NEK10: variants seen among roughly 807,000 people sequenced by gnomAD.
The protein encoded by NEK10 is serine/threonine-protein kinase Nek10.
A neutral mutation model predicts 159.8 loss-of-function variants in NEK10; 122 were observed. The ratio of observed to expected loss-of-function variants is 0.76; its 90% CI spans 0.66 to 0.89. The LOEUF (loss-of-function observed/expected upper bound fraction) is 0.89. Ranked by LOEUF, NEK10 falls within the 40% of genes least tolerant of loss-of-function variation. NEK10 has a pLI of 0.00. For synonymous variants in NEK10, 466 were observed against 457.1 expected, an observed-to-expected ratio of 1.02 and a Z score of -0.25; for missense variants, 1,342 against 1,323.1, an observed-to-expected ratio of 1.01 and a Z score of -0.22.
At chr3:27,180,266 G>A (rs757965792) in intron 26 of NEK10, among the ~76,000 whole-genome samples, 10 of 151,906 alleles carry the variant, frequency 6.6e-5, no homozygotes, top group East Asian at 1.9e-4. Context: ...ATGGTGGTGC[G>A]TGCCTATAAT....
At chr3:27,235,307 C>T (rs1464112222) in intron 23 of NEK10, among the ~76,000 whole-genome samples, 1 of 152,088 alleles carries the variant, frequency 6.6e-6, no homozygotes, top group Non-Finnish European at 1.5e-5. Flanking sequence ...GCAAAAGAAA[C>T]TATCAACACA....
At chr3:27,150,056 C>G (rs1207550160) in intron 30 of NEK10, among the ~76,000 whole-genome samples, 1 of 152,184 alleles carries the variant, frequency 6.6e-6, no homozygotes, top group Non-Finnish European at 1.5e-5. Context: ...AGGAAGGCCC[C>G]AACCCTCTTC....
intron 5 of NEK10, among the ~76,000 whole-genome samples, chr3:27,340,747 T>G (rs2047146683): frequency 6.6e-6 from 1 of 152,172 alleles, no homozygotes; most frequent in Admixed American, 6.5e-5. Context: ...ATACACTGTT[T>G]GTGGGAATGC....
intron 5 of NEK10, among the ~76,000 whole-genome samples, chr3:27,326,889 G>A (rs1054383592): frequency 2.0e-5 from 3 of 152,202 alleles, no homozygotes; most frequent in Admixed American, 2.0e-4. Flanking sequence ...CACATGGGAT[G>A]AAGTGCTGGT....
chr3:27,137,405 A>G (rs1282517586), intron 31 of NEK10, among the ~76,000 whole-genome samples: 1 of 152,210 alleles, frequency 6.6e-6, no homozygotes, highest in Non-Finnish European at 1.5e-5. Context: ...GGCATATGAA[A>G]ACTATATTTA....
intron 15 of NEK10, among the ~76,000 whole-genome samples, chr3:27,295,206 C>A (rs376615785): frequency 2.9e-4 from 44 of 152,306 alleles, no homozygotes; most frequent in African/African-American, 1.0e-3. Flanking sequence ...AATGCCCTTC[C>A]ACCCTGCAGC....
chr3:27,311,885 A>G (rs1013377339), intron 8 of NEK10: 3 of 493,298 alleles, frequency 6.1e-6, no homozygotes, highest in African/African-American at 4.0e-5. Flanking sequence ...CATTAAATAA[A>G]TTGTGCTTTT....
intron 13 of NEK10, among the ~76,000 whole-genome samples, chr3:27,298,632 C>T (rs4634071): frequency 6.6e-6 from 1 of 152,016 alleles, no homozygotes; most frequent in African/African-American, 2.4e-5. Flanking sequence ...CACAAGAAGA[C>T]AGGAAAATGT....
intron 5 of NEK10, among the ~76,000 whole-genome samples, chr3:27,343,939 C>G (rs546322269): frequency 1.3e-3 from 194 of 152,308 alleles, no homozygotes; most frequent in Non-Finnish European, 2.4e-3. Context: ...TGCAAAAGTG[C>G]AGCATAAGAA....
At chr3:27,149,370 A>T (rs1011634537) in intron 30 of NEK10, among the ~76,000 whole-genome samples, 3 of 151,992 alleles carry the variant, frequency 2.0e-5, no homozygotes, top group Admixed American at 1.3e-4. Flanking sequence ...CTTTTTTTAA[A>T]TTTTTTTACA....
chr3:27,280,470 T>C (rs2042077422), intron 22 of NEK10, among the ~76,000 whole-genome samples: 1 of 151,998 alleles, frequency 6.6e-6, no homozygotes, highest in East Asian at 1.9e-4. Flanking sequence ...TTCAAAGAAA[T>C]AAACCAGCAA....
chr3:27,180,233 A>G (rs1053319012), intron 26 of NEK10, among the ~76,000 whole-genome samples: 3 of 152,056 alleles, frequency 2.0e-5, no homozygotes, highest in African/African-American at 7.2e-5. Flanking sequence ...CATCTCTACT[A>G]AAAATATAAA....
At chr3:27,123,328 T>C (rs1486153411) in intron 32 of NEK10, among the ~76,000 whole-genome samples, 1 of 152,150 alleles carries the variant, frequency 6.6e-6, no homozygotes, top group African/African-American at 2.4e-5. Context: ...GAAGAAACAC[T>C]GGAGCTGATC....
chr3:27,238,936 G>A (rs1439464286), intron 23 of NEK10, among the ~76,000 whole-genome samples: 1 of 151,984 alleles, frequency 6.6e-6, no homozygotes, highest in Non-Finnish European at 1.5e-5. Context: ...TGGTTACTTG[G>A]TTATACCCTC....
chr3:27,130,968 T>C (rs1335629114), intron 32 of NEK10, among the ~76,000 whole-genome samples: 1 of 152,172 alleles, frequency 6.6e-6, no homozygotes, highest in Non-Finnish European at 1.5e-5. Context: ...TTTTGGTGTA[T>C]GTGCAGATAC....
intron 22 of NEK10, among the ~76,000 whole-genome samples, chr3:27,277,390 C>T (rs1403261575): frequency 1.3e-5 from 2 of 152,148 alleles, no homozygotes; most frequent in Non-Finnish European, 2.9e-5. Context: ...ATGTCCTAAA[C>T]TGAGTATCTG....
At chr3:27,319,156 A>T (rs74983763) in intron 6 of NEK10, among the ~76,000 whole-genome samples, 15 of 152,286 alleles carry the variant, frequency 9.8e-5, no homozygotes, top group African/African-American at 3.6e-4. Context: ...ACAATTCAGG[A>T]TCTTTTAAGG....
At chr3:27,209,864 C>T (rs1332976085) in intron 23 of NEK10, among the ~76,000 whole-genome samples, 1 of 142,408 alleles carries the variant, frequency 7.0e-6, no homozygotes, top group African/African-American at 2.5e-5. Flanking sequence ...CAGAAATCTT[C>T]TTGAAAATCT....
At chr3:27,250,028 A>C (rs1955490141) in intron 23 of NEK10, among the ~76,000 whole-genome samples, 1 of 151,892 alleles carries the variant, frequency 6.6e-6, no homozygotes, top group Admixed American at 6.6e-5. Flanking sequence ...TTGTCCCCCC[A>C]CTTTTTAACT....
Sources: allele counts gnomAD v4.1 joint callset (sites outside exome capture counted in the v4.1 genomes callset), GRCh38; gene constraint gnomAD v4.1.1; transcripts MANE v1.5; gene names NCBI Gene and HGNC (gene_info 2026-07-23, HGNC 2026-07-21).